Variants in RIMS3 observed in about 807,000 individuals in gnomAD.
RIMS3 encodes the protein regulating synaptic membrane exocytosis protein 3.
Under a neutral mutation model 29.2 loss-of-function variants are expected in RIMS3, and 15 were observed. The ratio of observed to expected loss-of-function variants is 0.51; its 90% CI spans 0.34 to 0.79. The LOEUF (loss-of-function observed/expected upper bound fraction) is 0.79, where lower values mean the gene tolerates loss of function less well. RIMS3 is among the 30% of genes least tolerant of loss of function. The pLI, the probability that RIMS3 is intolerant of heterozygous loss-of-function variation, is 0.01. For synonymous variants in RIMS3, 161 were observed against 170.1 expected, an observed-to-expected ratio of 0.95 and a Z score of 0.41; for missense variants, 342 against 421.4, an observed-to-expected ratio of 0.81 and a Z score of 1.65.
At position 40,622,410 on chromosome 1, in the gene RIMS3, G is replaced by A. The variant is rs1467257259; in HGVS notation, c.*4107C>T. On this transcript the variant is annotated 3_prime_UTR_variant, in exon 8 of 8. Transcript: ENST00000372684. The stretch of plus-strand genomic sequence containing the variant: ...AGTGAAAAGGTTGAGGGAGAAGGCG[G>A]GGGGATGTGTCCACATTTTCATCTC... The A allele has an allele frequency of 2.0e-5, 3 of 152,286 alleles. No homozygotes were observed. Among genetic ancestry groups the A allele is most frequent in the East Asian group, 3.9e-4 (2 of 5,192 alleles). 9.4% of individuals were successfully genotyped at this position (152,286 alleles called of 1,614,324 possible). A position where few individuals can be genotyped will look rare whatever the true frequency, so the allele number is the denominator to read the frequency against.
At chr1:40,678,120 A>G in the RIMS3 span, among the ~76,000 whole-genome samples, 1 of 152,158 alleles carries the variant, frequency 6.6e-6, no homozygotes, top group Non-Finnish European at 1.5e-5. Flanking sequence ...AAAAAAAAGG[A>G]AGCAGGGCCA....
chr1:40,691,152 GAAC>G, the RIMS3 span: 6 of 152,434 alleles, frequency 3.9e-5, no homozygotes, highest in Admixed American at 6.5e-5. Context: ...ATTCAAATAA[GAAC>G]AACTATGTCG....
At chr1:40,632,415 AATTT>A (rs1646494344) in intron 5 of RIMS3, among the ~76,000 whole-genome samples, 3 of 81,164 alleles carry the variant, frequency 3.7e-5, no homozygotes, top group East Asian at 7.2e-4. Context: ...AATACATATA[AATTT>A]ATATATATAT....
chr1:40,677,294 C>T, the RIMS3 span, among the ~76,000 whole-genome samples: 136 of 151,838 alleles, frequency 9.0e-4, no homozygotes, highest in Non-Finnish European at 1.7e-3. Context: ...TGTGAGCCAC[C>T]GTGCCGGCCT....
At chr1:40,668,499 G>C (rs1048581795), upstream of RIMS3, among the ~76,000 whole-genome samples, 11 of 133,620 alleles carry the variant, frequency 8.2e-5, no homozygotes, top group African/African-American at 2.7e-4. Context: ...GGCGGGGGGG[G>C]GGGGGTTGGT....
chr1:40,629,065 C>G, intron 6 of RIMS3, 116 bp from the exon 7 acceptor site: 1 of 1,346,776 alleles, frequency 7.4e-7, no homozygotes, highest in South Asian at 1.2e-5. Context: ...AATGAGCCAG[C>G]CAGTGGACAG....
intron 1 of RIMS3, among the ~76,000 whole-genome samples, chr1:40,648,912 T>A (rs763768245): frequency 6.6e-6 from 1 of 152,214 alleles, no homozygotes; most frequent in Non-Finnish European, 1.5e-5. Flanking sequence ...AGCACCAGGA[T>A]GGCCCATCGC....
Position 40,624,094 on chromosome 1 carries a change from T to C in RIMS3, c.*2423A>G, listed in dbSNP as rs954596047. 2 of 152,140 alleles carry C rather than the reference T, an allele frequency of 1.3e-5. No homozygotes were observed. Among genetic ancestry groups the C allele is most frequent in the African/African-American group, 4.8e-5 (2 of 41,418 alleles). The allele number at this position is 152,140 out of a possible 1,614,324, so 9.4% of individuals were successfully genotyped here. A position where few individuals can be genotyped will look rare whatever the true frequency, so the allele number is the denominator to read the frequency against. On this transcript the variant is annotated 3_prime_UTR_variant, in exon 8 of 8. Coordinates refer to ENST00000372684, the MANE Select transcript of RIMS3 (RefSeq NM_014747.3). ...GCTAGAACCTCCCCTGTGCTAACCCTTCCCCAGAGGCAAGGGTCACCACGG... is the reference window on the plus strand; with the variant it reads ...GCTAGAACCTCCCCTGTGCTAACCCCTCCCCAGAGGCAAGGGTCACCACGG...
At chr1:40,650,997 C>T (rs1646628812) in intron 1 of RIMS3, among the ~76,000 whole-genome samples, 1 of 151,792 alleles carries the variant, frequency 6.6e-6, no homozygotes, top group Non-Finnish European at 1.5e-5. Flanking sequence ...CTTTGCCTGG[C>T]TAAACCCTAT....
chr1:40,642,023 C>T (rs1000755754), intron 2 of RIMS3, 67 bp from the exon 3 acceptor site: 2 of 1,010,232 alleles, frequency 2.0e-6, no homozygotes, highest in Admixed American at 2.0e-5. Context: ...AGTCCCACCA[C>T]TTCCTAGCTG....
chr1:40,645,876 G>A (rs1436601754), intron 2 of RIMS3, among the ~76,000 whole-genome samples: 1 of 152,146 alleles, frequency 6.6e-6, no homozygotes, highest in East Asian at 1.9e-4. Flanking sequence ...ACCATCTAGG[G>A]ATCAACCAGG....
the RIMS3 span, among the ~76,000 whole-genome samples, chr1:40,683,373 A>G: frequency 1.3e-5 from 2 of 152,252 alleles, no homozygotes; most frequent in African/African-American, 2.4e-5. Context: ...GGATTAATGC[A>G]TGGGAATGGG....
In RIMS3 at chr1:40,636,036, C is replaced by T. The variant is rs1486758049; in HGVS notation, c.239G>A (p.Arg80His). The change falls in exon 4 of 8, where the codon CGC becomes CAC. Residue 80 changes from arginine (R) to histidine (H), a missense_variant. Physicochemically the swap from Arg to His is conservative, Grantham distance 29. Coordinates refer to ENST00000372684, the MANE Select transcript of RIMS3 (RefSeq NM_014747.3). This position sits in a 1 kb window ranked among gnomAD's most constrained non-coding sequence, Gnocchi z 4.2. The part of the protein sequence containing the change: ...PQPEGATKKL[R>H]SNIRRSTETG... ...CTCCGTGCTCCGGCGGATGTTGCTG[C>T]GCAGCTTCTTGGTGGCCCCTTCTGT... 5.0e-6 allele frequency: 8 copies of T among 1,605,108 alleles called. No individual in the cohort carries two copies. Among genetic ancestry groups the T allele is most frequent in the Non-Finnish European group, 6.8e-6 (8 of 1,179,952 alleles).
the RIMS3 span, among the ~76,000 whole-genome samples, chr1:40,683,671 T>A: frequency 6.6e-6 from 1 of 152,236 alleles, no homozygotes; most frequent in Non-Finnish European, 1.5e-5. Flanking sequence ...GTAAACAAAA[T>A]GAAAAATTCA....
At chr1:40,660,948 A>G (rs1184234203) in intron 1 of RIMS3, among the ~76,000 whole-genome samples, 1 of 152,126 alleles carries the variant, frequency 6.6e-6, no homozygotes, top group African/African-American at 2.4e-5. Context: ...CTCCTGGCCA[A>G]GCATCATGCC....
At chr1:40,679,890 ATT>A in the RIMS3 span, among the ~76,000 whole-genome samples, 13 of 142,342 alleles carry the variant, frequency 9.1e-5, no homozygotes, top group Non-Finnish European at 7.7e-5. Context: ...GATGACTAGA[ATT>A]TTTTTTTTTT....
At chr1:40,679,495 T>C in the RIMS3 span, among the ~76,000 whole-genome samples, 912 of 152,360 alleles carry the variant, frequency 6.0e-3, 9 homozygotes, top group African/African-American at 0.021. Context: ...TTAAAGGCCA[T>C]ATGTATTGGA....
At chr1:40,662,650 T>G (rs528253634) in intron 1 of RIMS3, among the ~76,000 whole-genome samples, 1 of 152,288 alleles carries the variant, frequency 6.6e-6, no homozygotes, top group African/African-American at 2.4e-5. Flanking sequence ...CCAGGCTTCT[T>G]GAGCTCAAGC....
At chr1:40,660,496 G>GC (rs1642336537) in intron 1 of RIMS3, among the ~76,000 whole-genome samples, 2 of 151,352 alleles carry the variant, frequency 1.3e-5, no homozygotes, top group East Asian at 2.0e-4. Context: ...TCCCACCTCA[G>GC]CCCCCCAAGC....
Sources: allele counts gnomAD v4.1 joint callset (sites outside exome capture counted in the v4.1 genomes callset), GRCh38; gene constraint gnomAD v4.1.1; non-coding constraint Gnocchi (gnomAD v3.1); transcripts MANE v1.5; gene names NCBI Gene and HGNC (gene_info 2026-07-23, HGNC 2026-07-21).